Variants in NUP210L observed in about 807,000 individuals in gnomAD.
NUP210L encodes nuclear pore membrane glycoprotein 210-like.
In NUP210L, 74 loss-of-function variants were observed where a neutral mutation model predicts 208.5. The ratio of observed to expected loss-of-function variants is 0.35; its 90% confidence interval spans 0.29 to 0.43. The LOEUF is 0.43. NUP210L is among the 20% of genes least tolerant of loss of function. NUP210L has a pLI of 1.00. For synonymous variants in NUP210L, 780 were observed against 816.9 expected (o/e 0.95, Z 0.77); for missense variants, 1,843 against 2,289.4 (o/e 0.81, Z 3.98).
intron 23 of NUP210L, among the ~76,000 whole-genome samples, chr1:154,055,717 A>G (rs1653830434): frequency 6.6e-6 from 1 of 152,190 alleles, no homozygotes; most frequent in Admixed American, 6.5e-5. Context: ...TATTCTAAGG[A>G]AAACTCTTAA....
intron 37 of NUP210L, among the ~76,000 whole-genome samples, chr1:153,997,033 G>A (rs936303054): frequency 1.3e-5 from 2 of 151,484 alleles, no homozygotes; most frequent in African/African-American, 2.4e-5. Context: ...GCATGATCTC[G>A]GCTCACCGCA....
intron 7 of NUP210L, among the ~76,000 whole-genome samples, chr1:154,132,600 T>C (rs1408644520): frequency 6.6e-6 from 1 of 152,160 alleles, no homozygotes; most frequent in East Asian, 1.9e-4. Context: ...AAATACAATG[T>C]ATTTTAATAT....
intron 2 of NUP210L, among the ~76,000 whole-genome samples, chr1:154,145,278 C>T (rs868474880): frequency 2.6e-4 from 39 of 151,522 alleles, no homozygotes; most frequent in African/African-American, 7.8e-4. Context: ...ATTAGCCGGG[C>T]GTGGTGGTGC....
rs1362252169 is a variant in NUP210L at position 154,019,046 on chromosome 1, A to T, written c.4540T>A (p.Ser1514Thr). 3.1e-6 allele frequency: 5 copies of T among 1,614,166 alleles called. No individual in the cohort carries two copies. The South Asian group carries it at 5.5e-5, about 18-fold the overall frequency. ...TCTGTCTGTAGAATATTGTTGGCAG[A>T]AATCATCCATATCCCAGGTTCACCT... Residue 1514 changes from serine (S) to threonine (T), a missense_variant, in exon 33 of 40, where the codon TCT (serine) becomes ACT (threonine). Ser to Thr is a moderately conservative substitution (Grantham distance 58). This residue lies in a region of NUP210L where 781 missense variants were observed against 973.8 expected (regional missense o/e 0.80). Coordinates refer to ENST00000368559, the Ensembl canonical transcript of NUP210L.
At chr1:153,997,867 TTTTA>T (rs1649987391) in intron 37 of NUP210L, among the ~76,000 whole-genome samples, 1 of 151,520 alleles carries the variant, frequency 6.6e-6, no homozygotes, top group Admixed American at 6.6e-5. Flanking sequence ...TTTTATTTAT[TTTTA>T]TTTATTTTTT....
intron 25 of NUP210L, among the ~76,000 whole-genome samples, chr1:154,049,814 C>CTA (rs1403505172): frequency 1.3e-5 from 2 of 152,136 alleles, no homozygotes; most frequent in Non-Finnish European, 2.9e-5. Flanking sequence ...TGTTTCTTTA[C>CTA]TATCCCCTTA....
chr1:154,061,411 C>G lies in NUP210L; in HGVS notation c.2643+175G>C, dbSNP rs181677393. On this transcript the variant is annotated intron_variant, in intron 18 of 39. Transcript: ENST00000368559. ...ATAATAATAATAATAATAATAAAGT[C>G]AATGTCTAATTCTTCAGCTCTATGG... Among the ~76,000 whole-genome samples, 4 of 151,302 alleles carry G rather than the reference C, an allele frequency of 2.6e-5. No individual in the cohort carries two copies. In the East Asian group the frequency reaches 5.8e-4, roughly 22 times the overall value.
rs893742878 is a variant in NUP210L, at chr1:154,071,627, C to CTT, written c.2362-1164_2362-1163dup. Among the ~76,000 whole-genome samples, 356 of 99,804 alleles carry CTT rather than the reference C, an allele frequency of 3.6e-3. 49 individuals are homozygous for CTT. The highest frequency in any genetic ancestry group is 9.9e-3 in the East Asian group (29 of 2,920). 65.5% of individuals were successfully genotyped at this position (99,804 alleles called of 152,430 possible). ...TGCTGCAAATACCATCAATTCATTCCTTTTTTTTTTTTTTTTTTTTTTTTT... is the reference window on the plus strand; with the variant it reads ...TGCTGCAAATACCATCAATTCATTCCTTTTTTTTTTTTTTTTTTTTTTTTTTT... On this transcript the variant is annotated intron_variant, in intron 16 of 39. Transcript: ENST00000368559.
intron 15 of NUP210L, among the ~76,000 whole-genome samples, chr1:154,092,576 G>A (rs1434403647): frequency 6.7e-6 from 1 of 149,984 alleles, no homozygotes; most frequent in Non-Finnish European, 1.5e-5. Context: ...TAGCAGAGAT[G>A]GGGTTTCATC....
At position 154,046,215 on chromosome 1, in the gene NUP210L, C is replaced by T; in HGVS notation, c.3565-15G>A. ...TAAACTGGCATCTGAAAATAAATAG[C>T]AGCATTGTGCTATATATTCTGCCCA... On this transcript the variant is annotated splice_polypyrimidine_tract_variant and intron_variant, in intron 26 of 39. Transcript: ENST00000368559. The T allele has an allele frequency of 6.2e-7, 1 of 1,614,080 alleles. No homozygotes were observed. The highest frequency in any genetic ancestry group is 8.5e-7 in the Non-Finnish European group (1 of 1,180,002).
At chr1:153,998,838 AC>A (rs1337898820) in intron 37 of NUP210L, among the ~76,000 whole-genome samples, 1 of 150,152 alleles carries the variant, frequency 6.7e-6, no homozygotes, top group East Asian at 2.0e-4. Flanking sequence ...TCCCACCTCA[AC>A]CTCCTGCCTG....
intron 33 of NUP210L, 69 bp from the exon 34 acceptor site, chr1:154,012,439 C>T: frequency 1.4e-6 from 2 of 1,475,324 alleles, no homozygotes; most frequent in Non-Finnish European, 1.8e-6. Context: ...AGATCCACCC[C>T]TCATAACTTA....
chr1:154,137,551 GAAA>G (rs71096513), intron 6 of NUP210L, among the ~76,000 whole-genome samples: 3 of 135,212 alleles, frequency 2.2e-5, no homozygotes, highest in Non-Finnish European at 3.2e-5. Context: ...ACTACATCTA[GAAA>G]AAAAAAAAAA....
intron 10 of NUP210L, among the ~76,000 whole-genome samples, chr1:154,125,206 T>A (rs1657823662): frequency 6.6e-6 from 1 of 151,658 alleles, no homozygotes; most frequent in Admixed American, 6.6e-5. Flanking sequence ...TCCCAGCACT[T>A]TGGGAGGGTG....
At chr1:154,022,990 T>C in intron 31 of NUP210L, 132 bp downstream of exon 31, 1 of 982,166 alleles carries the variant, frequency 1.0e-6, no homozygotes. Flanking sequence ...TTAAAAAAAT[T>C]TTTTTTAACA....
intron 25 of NUP210L, among the ~76,000 whole-genome samples, chr1:154,048,107 G>T (rs1374655304): frequency 6.6e-6 from 1 of 152,116 alleles, no homozygotes; most frequent in Non-Finnish European, 1.5e-5. Flanking sequence ...TGAAAGAGCA[G>T]GTTTGTTTGC....
intron 2 of NUP210L, among the ~76,000 whole-genome samples, chr1:154,151,069 G>A (rs554752288): frequency 6.6e-6 from 1 of 152,122 alleles, no homozygotes; most frequent in African/African-American, 2.4e-5. Context: ...TAAGCTGAGA[G>A]CAAGATTTGA....
chr1:154,129,157 T>C (rs1658123646), intron 8 of NUP210L, 120 bp downstream of exon 8: 20 of 602,156 alleles, frequency 3.3e-5, no homozygotes, highest in South Asian at 9.6e-5. Context: ...CAAAGTAAGG[T>C]TGAATTTGAA....
At chr1:153,995,508 T>C (rs1435441819) in intron 37 of NUP210L, 2 of 604,538 alleles carry the variant, frequency 3.3e-6, no homozygotes, top group South Asian at 3.4e-5. Flanking sequence ...AATACAACTC[T>C]CTAATTCTTG....
Sources: gnomAD v4.1 joint callset for allele counts (sites outside exome capture counted in the v4.1 genomes callset) on GRCh38, gnomAD v4.1.1 for gene constraint, gnomAD v4.1.1 regional missense constraint, MANE v1.5 for transcripts, NCBI Gene and HGNC (gene_info 2026-07-23, HGNC 2026-07-21) for gene names.